The following TMEM26 variants were observed in gnomAD, a reference collection of about 807,000 sequenced individuals.
TMEM26 encodes transmembrane protein 26.
In TMEM26, 38 loss-of-function variants were observed where a neutral mutation model predicts 28.8. That is an observed-to-expected ratio of 1.32 (90% CI 1.02 to 1.73). The LOEUF is 1.73. Among genes scored for constraint, TMEM26 ranks in the 40% most tolerant of loss-of-function variants. The probability of loss-of-function intolerance (pLI) is 0.00; values close to 1 mark genes in which losing one functional copy is unlikely to be tolerated. For missense variants in TMEM26, 518 were observed against 447.1 expected (o/e 1.16, Z -1.43); for synonymous variants, 227 against 182.9 (o/e 1.24, Z -1.95).
At chr10:61,438,760 C>T (rs920580255) in intron 1 of TMEM26, among the ~76,000 whole-genome samples, 1 of 152,134 alleles carries the variant, frequency 6.6e-6, no homozygotes, top group African/African-American at 2.4e-5. Context: ...ATCTGATATT[C>T]GAAGACTTCA....
At position 61,426,211 on chromosome 10, in the gene TMEM26, A is replaced by C. The variant is rs369882462; in HGVS notation, c.605+2715T>G. 4.6e-5 allele frequency among the ~76,000 whole-genome samples: 7 copies of C among 152,146 alleles called. No homozygotes were observed. In the East Asian group the frequency reaches 1.3e-3, roughly 29 times the overall value. Reference sequence around the variant, plus strand: ...ACATTTTATAATTCAAATTCCATGAAATTTCTAGGAAAGAAAAATCCACAG... The same window carrying C: ...ACATTTTATAATTCAAATTCCATGACATTTCTAGGAAAGAAAAATCCACAG... On this transcript the variant is annotated intron_variant, in intron 4 of 5. Transcript: ENST00000399298.
rs186667968 is a variant in TMEM26, at chr10:61,438,737, T to C, written c.192-2489A>G. 2.5e-3 allele frequency among the ~76,000 whole-genome samples: 379 copies of C among 152,256 alleles called. 3 individuals carry two copies. The highest frequency in any genetic ancestry group is 3.1e-3 in the Non-Finnish European group (214 of 68,004). Reference sequence around the variant, plus strand: ...ATGTTTTGTGTTGCCTAATAGAAAATCTAAACTCCATAATCTGATATTCGA... The same window carrying C: ...ATGTTTTGTGTTGCCTAATAGAAAACCTAAACTCCATAATCTGATATTCGA... On this transcript the variant is annotated intron_variant, in intron 1 of 5. Coordinates refer to ENST00000399298, the MANE Select transcript of TMEM26 (RefSeq NM_178505.8).
rs1478775661 is a variant in TMEM26 at position 61,406,979 on chromosome 10, AT to A, written c.*3342del. The A allele has an allele frequency of 2.0e-5, 3 of 151,748 alleles. No individual in the cohort carries two copies. Among genetic ancestry groups the A allele is most frequent in the Non-Finnish European group, 4.4e-5 (3 of 67,924 alleles). 9.4% of individuals were successfully genotyped at this position (151,748 alleles called of 1,614,324 possible). On this transcript the variant is annotated 3_prime_UTR_variant, in exon 6 of 6. Coordinates refer to ENST00000399298, the MANE Select transcript of TMEM26 (RefSeq NM_178505.8). ...AAGTCTGAAATTAGAAAAAAAAAAA[AT>A]CCCCTTTTTTTCTTGTAATTCAAGA...
chr10:61,425,464 A>G (rs1839815925), intron 4 of TMEM26, among the ~76,000 whole-genome samples: 2 of 152,220 alleles, frequency 1.3e-5, no homozygotes, highest in South Asian at 4.1e-4. Flanking sequence ...TCAAAATTTT[A>G]AAAACACGTT....
intron 1 of TMEM26, among the ~76,000 whole-genome samples, chr10:61,448,883 T>C (rs189603539): frequency 6.6e-6 from 1 of 152,324 alleles, no homozygotes; most frequent in East Asian, 1.9e-4. Flanking sequence ...TTCTACTTAT[T>C]CTCAGATAAT....
intron 4 of TMEM26, among the ~76,000 whole-genome samples, chr10:61,424,702 G>A (rs1402152775): frequency 6.6e-6 from 1 of 152,096 alleles, no homozygotes; most frequent in Non-Finnish European, 1.5e-5. Context: ...CTGACAGTGT[G>A]GTATTGGTAT....
intron 2 of TMEM26, among the ~76,000 whole-genome samples, chr10:61,433,780 T>G (rs763679035): frequency 7.9e-5 from 12 of 152,098 alleles, no homozygotes; most frequent in Non-Finnish European, 1.8e-4. Context: ...CTCAGATAAT[T>G]CTGATGCAAA....
At position 61,413,842 on chromosome 10, in the gene TMEM26, G is replaced by T. The variant is rs145482430; in HGVS notation, c.606-307C>A. The T allele has an allele frequency of 5.1e-4, 517 of 1,022,362 alleles. 2 individuals are homozygous for T. The African/African-American group carries it at 8.3e-3, about 16-fold the overall frequency. The allele number at this position is 1,022,362 out of a possible 1,614,324, so 63.3% of individuals were successfully genotyped here. A position where few individuals can be genotyped will look rare whatever the true frequency, so the allele number is the denominator to read the frequency against. ...ATTATGGGAGAAAAATGATAGGGGA[G>T]AAAATATAGATATTAACATGGATAT... On this transcript the variant is annotated intron_variant, in intron 4 of 5. Transcript: ENST00000399298.
chr10:61,428,637 CTCTA>C (rs928779009), intron 4 of TMEM26, among the ~76,000 whole-genome samples: 4 of 152,038 alleles, frequency 2.6e-5, no homozygotes, highest in African/African-American at 9.7e-5. Context: ...AGAACCATGA[CTCTA>C]TCTAACCTGT....
At chr10:61,411,943 C>G (rs1410997074) in intron 5 of TMEM26, among the ~76,000 whole-genome samples, 1 of 152,136 alleles carries the variant, frequency 6.6e-6, no homozygotes, top group Non-Finnish European at 1.5e-5. Flanking sequence ...GTTTTTCAAA[C>G]AGCTGCATAA....
Position 61,453,067 on chromosome 10 carries a change from G to A in TMEM26, c.15C>T (p.Val5=). 6.2e-7 allele frequency: 1 copy of A among 1,613,178 alleles called. No individual in the cohort carries two copies. The change falls in exon 1 of 6, where the codon GTC becomes GTT. Residue 5 remains valine (V), a synonymous_variant. Coordinates refer to ENST00000399298, the MANE Select transcript of TMEM26 (RefSeq NM_178505.8). ...ACCGAGTGGCCAGGGCGTTAAGGAA[G>A]ACCAGTCCCTCCATGCTGGCCGGAG... The part of the protein sequence containing the change: MEGL[V]FLNALATRLL...
At chr10:61,419,698 A>G (rs1475625153) in intron 4 of TMEM26, among the ~76,000 whole-genome samples, 1 of 152,172 alleles carries the variant, frequency 6.6e-6, no homozygotes, top group Non-Finnish European at 1.5e-5. Context: ...CCTGTGGAAC[A>G]CAGTCAGTCA....
chr10:61,431,784 A>G (rs142306050), intron 2 of TMEM26, among the ~76,000 whole-genome samples: 1 of 152,126 alleles, frequency 6.6e-6, no homozygotes, highest in African/African-American at 2.4e-5. Flanking sequence ...TTACATGGGT[A>G]AATGGCATGT....
At chr10:61,420,300 C>G (rs188280766) in intron 4 of TMEM26, among the ~76,000 whole-genome samples, 2 of 151,814 alleles carry the variant, frequency 1.3e-5, no homozygotes, top group East Asian at 1.9e-4. Flanking sequence ...TGACTGAGAA[C>G]GAGAAAGAAC....
chr10:61,413,381 T>C, intron 5 of TMEM26, 78 bp downstream of exon 5: 1 of 1,561,792 alleles, frequency 6.4e-7, no homozygotes, highest in Non-Finnish European at 8.6e-7. Flanking sequence ...TCCTTTCACT[T>C]GCCTTCTTAG....
intron 1 of TMEM26, 33 bp downstream of exon 1, chr10:61,452,858 C>A: frequency 3.7e-6 from 6 of 1,601,836 alleles, no homozygotes; most frequent in Non-Finnish European, 5.1e-6. Flanking sequence ...CCCTAGGGCC[C>A]CGTGCGCCCT....
intron 2 of TMEM26, among the ~76,000 whole-genome samples, chr10:61,433,412 C>A: frequency 6.6e-6 from 1 of 152,002 alleles, no homozygotes; most frequent in African/African-American, 2.4e-5. Flanking sequence ...ACCAACATGC[C>A]TTTTTTTAAA....
At chr10:61,451,458 C>T (rs1167690228) in intron 1 of TMEM26, among the ~76,000 whole-genome samples, 1 of 152,162 alleles carries the variant, frequency 6.6e-6, no homozygotes, top group East Asian at 1.9e-4. Context: ...AAAGATATTT[C>T]CACTCTGGCT....
chr10:61,443,189 A>G lies in TMEM26; in HGVS notation c.192-6941T>C, dbSNP rs1240219669. 2.0e-5 allele frequency among the ~76,000 whole-genome samples: 3 copies of G among 151,862 alleles called. No homozygotes were observed. The East Asian group carries it at 5.8e-4, about 29-fold the overall frequency. On this transcript the variant is annotated intron_variant, in intron 1 of 5. Transcript: ENST00000399298. The stretch of plus-strand genomic sequence containing the variant: ...AAGATCAGGCCCGGTGCAGTGTGTC[A>G]CGCCTGTAATCCCAGCCCTTTGAGA...
Sources: allele counts gnomAD v4.1 joint callset (sites outside exome capture counted in the v4.1 genomes callset), GRCh38; gene constraint gnomAD v4.1.1; transcripts MANE v1.5; gene names NCBI Gene and HGNC (gene_info 2026-07-23, HGNC 2026-07-21).